The following PKIG variants were observed in gnomAD, a reference collection of about 807,000 sequenced individuals.
The protein encoded by PKIG is protein kinase (cAMP-dependent, catalytic) inhibitor gamma.
Under a neutral mutation model 6.8 loss-of-function variants are expected in PKIG, and 1 was observed. The ratio of observed to expected loss-of-function variants is 0.15; its 90% CI spans 0.05 to 0.69. The LOEUF is 0.69. Ranked by LOEUF, PKIG falls within the 30% of genes least tolerant of loss-of-function variation. PKIG has a pLI of 0.82. For missense variants in PKIG, 77 were observed against 104.0 expected (o/e 0.74, Z 1.13); for synonymous variants, 39 against 43.0 (o/e 0.91, Z 0.36).
intron 1 of PKIG, among the ~76,000 whole-genome samples, chr20:44,553,858 T>C (rs1446017254): frequency 6.6e-6 from 1 of 151,916 alleles, no homozygotes; most frequent in African/African-American, 2.4e-5. Context: ...AGGCATTAAC[T>C]AGGAGAAAAG....
At chr20:44,569,773 A>C (rs1450750133) in intron 1 of PKIG, among the ~76,000 whole-genome samples, 1 of 151,622 alleles carries the variant, frequency 6.6e-6, no homozygotes, top group Non-Finnish European at 1.5e-5. Context: ...CATATCGCAC[A>C]CTCCCCGTGT....
At chr20:44,596,207 C>T (rs909176755) in intron 2 of PKIG, among the ~76,000 whole-genome samples, 2 of 152,194 alleles carry the variant, frequency 1.3e-5, no homozygotes, top group African/African-American at 4.8e-5. Context: ...GCTCACGGGA[C>T]ATTTCTGTGT....
chr20:44,582,785 G>A (rs1288861118), intron 1 of PKIG, 54 bp downstream of exon 1: 2 of 152,352 alleles, frequency 1.3e-5, no homozygotes, highest in African/African-American at 4.8e-5. Flanking sequence ...GAGAAGCAGA[G>A]CTTGGAGGCA....
chr20:44,533,895 G>A (rs2064489626), intron 1 of PKIG, among the ~76,000 whole-genome samples: 1 of 152,218 alleles, frequency 6.6e-6, no homozygotes, highest in African/African-American at 2.4e-5. Flanking sequence ...AAATTAAAAT[G>A]TGTCCTTTTG....
chr20:44,569,028 T>G (rs961463724), intron 1 of PKIG, among the ~76,000 whole-genome samples: 1 of 152,196 alleles, frequency 6.6e-6, no homozygotes, highest in African/African-American at 2.4e-5. Flanking sequence ...ATTAAGAAAC[T>G]TTATTTTTTA....
rs142372687 is a variant in PKIG at position 44,575,646 on chromosome 20, G to A, written c.-240-6939G>A. Among the ~76,000 whole-genome samples, 401 of 152,344 alleles carry A rather than the reference G, an allele frequency of 2.6e-3. 2 individuals carry two copies. Among genetic ancestry groups the A allele is most frequent in the African/African-American group, 9.1e-3 (378 of 41,572 alleles). ...GATGCTTTAGGGCACATGAGCAGGA[G>A]CAGCAGTTAGACTGAGGGCCCTTCA... is the stretch of plus-strand genomic sequence containing the variant. On this transcript the variant is annotated intron_variant, in intron 1 of 4. Coordinates refer to the PKIG transcript ENST00000372887.
At chr20:44,562,725 T>G (rs1045528917) in intron 1 of PKIG, among the ~76,000 whole-genome samples, 1 of 152,134 alleles carries the variant, frequency 6.6e-6, no homozygotes, top group African/African-American at 2.4e-5. Context: ...TTTGAAAATT[T>G]AGATGAATGG....
rs991969115 is a variant in PKIG at position 44,614,450 on chromosome 20, G to A, written c.-23-84G>A. On this transcript the variant is annotated intron_variant, in intron 2 of 3. Coordinates refer to ENST00000372886, the MANE Select transcript of PKIG (RefSeq NM_001281445.2). The surrounding 1 kb of genome is among the most constrained non-coding windows in gnomAD (Gnocchi z 4.6). ...GGCAATAACTGTCATTTTGACAGAA[G>A]CCACTGTGCTGGGGAACTGGAGCTG... 37 of 935,538 alleles carry A rather than the reference G, an allele frequency of 4.0e-5. No individual in the cohort carries two copies. Among genetic ancestry groups the A allele is most frequent in the Non-Finnish European group, 5.0e-5 (31 of 614,748 alleles). The allele number at this position is 935,538 out of a possible 1,614,324, so 58.0% of individuals were successfully genotyped here.
chr20:44,545,241 G>A (rs1271698301), intron 1 of PKIG, among the ~76,000 whole-genome samples: 3 of 151,878 alleles, frequency 2.0e-5, no homozygotes, highest in Admixed American at 6.6e-5. Flanking sequence ...TGCAATGCCC[G>A]GCCTGCATTA....
intron 1 of PKIG, among the ~76,000 whole-genome samples, chr20:44,558,549 A>G (rs75641960): frequency 0.02 from 2,687 of 135,164 alleles, 84 homozygotes; most frequent in African/African-American, 0.075. Flanking sequence ...CCAACCTCAC[A>G]TTTCTTTTTC....
At position 44,577,381 on chromosome 20, in the gene PKIG, G is replaced by A. The variant is rs541526412; in HGVS notation, c.-240-5204G>A. ...ACTCCTGACCTCAAGTGACCTGCTC[G>A]CCTCAGCCTCCCAAAGTGCTGGGAT... is the stretch of plus-strand genomic sequence containing the variant. On this transcript the variant is annotated intron_variant, in intron 1 of 4. Transcript: ENST00000372887. 2.3e-3 allele frequency among the ~76,000 whole-genome samples: 345 copies of A among 152,080 alleles called. 1 individual carries two copies. Among genetic ancestry groups the A allele is most frequent in the Non-Finnish European group, 3.2e-3 (216 of 67,974 alleles).
chr20:44,537,742 ATT>A (rs1236609004), intron 1 of PKIG, among the ~76,000 whole-genome samples: 9 of 118,532 alleles, frequency 7.6e-5, no homozygotes, highest in African/African-American at 1.3e-4. Context: ...CACACCGGCT[ATT>A]TTTTTTTTTT....
At chr20:44,576,173 G>GTGTGTA (rs2064896289) in intron 1 of PKIG, among the ~76,000 whole-genome samples, 1 of 151,486 alleles carries the variant, frequency 6.6e-6, no homozygotes, top group Admixed American at 6.6e-5. Context: ...GTGTGTGTGT[G>GTGTGTA]TGTGTGTGTG....
rs200673295 is a variant in PKIG, at chr20:44,614,659, G to C, written c.103G>C (p.Val35Leu). Reference sequence around the variant, plus strand: ...CCAGGGAGACTCAGAGGCTGTGAGCGTGAGGAAGCTGGCTGGAGACATGGG... The same window carrying C: ...CCAGGGAGACTCAGAGGCTGTGAGCCTGAGGAAGCTGGCTGGAGACATGGG... ...DIQGDSEAVS[V>L]RKLAGDMGEL... Residue 35 changes from valine to leucine, a missense_variant, in exon 3 of 4, where the codon GTG (valine) becomes CTG (leucine). Val to Leu is a conservative substitution (Grantham distance 32). Coordinates refer to ENST00000372886, the MANE Select transcript of PKIG (RefSeq NM_001281445.2). This position sits in a 1 kb window ranked among gnomAD's most constrained non-coding sequence, Gnocchi z 4.6. The C allele has an allele frequency of 2.5e-6, 4 of 1,614,072 alleles. No homozygotes were observed. The highest frequency in any genetic ancestry group is 2.2e-5 in the East Asian group (1 of 44,886).
intron 2 of PKIG, among the ~76,000 whole-genome samples, chr20:44,605,406 C>CAAA (rs34277645): frequency 9.9e-4 from 37 of 37,208 alleles, no homozygotes; most frequent in African/African-American, 1.5e-3. Flanking sequence ...GACTCCGTCT[C>CAAA]AAAAAAAAAA....
intron 1 of PKIG, among the ~76,000 whole-genome samples, chr20:44,556,949 C>A (rs1416461788): frequency 6.6e-6 from 1 of 152,150 alleles, no homozygotes; most frequent in Middle Eastern, 3.2e-3. Flanking sequence ...GCTCATTATT[C>A]AAGCCTTCCA....
chr20:44,588,616 C>T (rs1211942344), intron 1 of PKIG, among the ~76,000 whole-genome samples: 2 of 151,770 alleles, frequency 1.3e-5, no homozygotes, highest in Admixed American at 6.6e-5. Context: ...TGCACTCCAG[C>T]CTGGGTGACA....
intron 1 of PKIG, among the ~76,000 whole-genome samples, chr20:44,543,410 C>T (rs1225329350): frequency 1.3e-5 from 2 of 151,922 alleles, no homozygotes; most frequent in Non-Finnish European, 2.9e-5. Flanking sequence ...TATCAGGCCT[C>T]GTACAGAAAG....
At chr20:44,568,163 T>A (rs1219461728) in intron 1 of PKIG, among the ~76,000 whole-genome samples, 1 of 152,134 alleles carries the variant, frequency 6.6e-6, no homozygotes, top group East Asian at 1.9e-4. Flanking sequence ...TAAATAACTC[T>A]GATATAAATG....
Sources: gnomAD v4.1 joint callset for allele counts (sites outside exome capture counted in the v4.1 genomes callset) on GRCh38, gnomAD v4.1.1 for gene constraint, Gnocchi (gnomAD v3.1) non-coding constraint, MANE v1.5 for transcripts, NCBI Gene and HGNC (gene_info 2026-07-23, HGNC 2026-07-21) for gene names.